Variants in NCOR2 observed in about 807,000 individuals in gnomAD.
NCOR2 encodes CTG repeat protein 26.
In NCOR2, 81 loss-of-function variants were observed where a neutral mutation model predicts 262.9. The ratio of observed to expected loss-of-function variants is 0.31; its 90% CI spans 0.26 to 0.37. The LOEUF (loss-of-function observed/expected upper bound fraction) is 0.37. NCOR2 is among the 10% of genes least tolerant of loss of function. The pLI, the probability that NCOR2 is intolerant of heterozygous loss-of-function variation, is 1.00. For missense variants in NCOR2, 3,385 were observed against 3,621.4 expected (o/e 0.93, Z 1.68); for synonymous variants, 1,659 against 1,559.3 (o/e 1.06, Z -1.51).
chr12:124,425,900 A>G (rs971394097), intron 11 of NCOR2, among the ~76,000 whole-genome samples: 1 of 152,166 alleles, frequency 6.6e-6, no homozygotes, highest in Admixed American at 6.5e-5. Context: ...CTGAGCTGTC[A>G]TAAGGGACAG....
Position 124,381,539 on chromosome 12 carries a change from C to T in NCOR2, c.2020-3155G>A, listed in dbSNP as rs113675061. Among the ~76,000 whole-genome samples the T allele has an allele frequency of 6.6e-5, 10 of 152,354 alleles. No homozygotes were observed. The South Asian group carries it at 1.0e-3, about 16-fold the overall frequency. ...ACCATACCTGGAACAGTGTCTAGCA[C>T]AGAACAGACGCTCTGTAACTATGTC... On this transcript the variant is annotated intron_variant, in intron 17 of 46. Transcript: ENST00000405201.
At chr12:124,385,585 G>T (rs995073053) in intron 17 of NCOR2, among the ~76,000 whole-genome samples, 160 bp downstream of exon 19, 1 of 152,152 alleles carries the variant, frequency 6.6e-6, no homozygotes, top group Non-Finnish European at 1.5e-5. Context: ...CCATCTCGGG[G>T]TACTCCCGGG....
chr12:124,494,040 C>T (rs1045588993), intron 1 of NCOR2, among the ~76,000 whole-genome samples: 1 of 152,222 alleles, frequency 6.6e-6, no homozygotes, highest in African/African-American at 2.4e-5. Context: ...CCACTGAGGA[C>T]AGCTGACTCT....
In NCOR2 at chr12:124,391,002, C is replaced by T. The variant is rs2136146417; in HGVS notation, c.1877-5115G>A. Among the ~76,000 whole-genome samples, 3 of 152,368 alleles carry T rather than the reference C, an allele frequency of 2.0e-5. 1 individual carries two copies. Among genetic ancestry groups the T allele is most frequent in the Admixed American group, 2.0e-4 (3 of 15,312 alleles). The stretch of plus-strand genomic sequence containing the variant: ...GCTGGGCTAATCCTCCTCTGGGCAC[C>T]CATGGGGCAGCGTCCCACATGCCAT... On this transcript the variant is annotated intron_variant, in intron 16 of 46. Transcript: ENST00000405201.
chr12:124,363,208 G>A (rs550770411), intron 21 of NCOR2, among the ~76,000 whole-genome samples: 35 of 152,324 alleles, frequency 2.3e-4, no homozygotes, highest in Non-Finnish European at 3.5e-4. Context: ...CTTTTAGCCC[G>A]GAGCCCCCAG....
In NCOR2 at chr12:124,495,058, T is replaced by C. The variant is rs2048310733; in HGVS notation, c.105+89A>G. 2 of 1,504,908 alleles carry C rather than the reference T, an allele frequency of 1.3e-6. No homozygotes were observed. The highest frequency in any genetic ancestry group is 1.2e-5 in the South Asian group (1 of 81,770). 93.2% of individuals were successfully genotyped at this position (1,504,908 alleles called of 1,614,324 possible). On this transcript the variant is annotated intron_variant, in intron 1 of 46. Coordinates refer to ENST00000405201, the Ensembl canonical transcript of NCOR2. This position sits in a 1 kb window ranked among gnomAD's most constrained non-coding sequence, Gnocchi z 4.4. ...AGGCTCAGAGCCACATGAGCCTGGC[T>C]CCCAGGAGAAAGGAAGGGGTGAAGA...
At chr12:124,438,778 C>CAG (rs56072801) in intron 7 of NCOR2, among the ~76,000 whole-genome samples, 26,708 of 60,058 alleles carry the variant, frequency 0.44, 9,784 homozygotes, top group Non-Finnish European at 0.52. Context: ...CCCAGAGAGA[C>CAG]AGAGAGAGAG....
upstream of NCOR2, among the ~76,000 whole-genome samples, chr12:124,496,894 G>A (rs1385034766): frequency 6.6e-6 from 1 of 152,236 alleles, no homozygotes; most frequent in Non-Finnish European, 1.5e-5. The surrounding 1 kb of genome is among the most constrained non-coding windows in gnomAD (Gnocchi z 4.4). Flanking sequence ...GGAGAAAGGT[G>A]CTCTCTGCTG....
chr12:124,354,449 C>T (rs1303184119), intron 26 of NCOR2, 29 bp downstream of exon 28: 10 of 1,470,440 alleles, frequency 6.8e-6, no homozygotes, highest in Non-Finnish European at 9.0e-6. Flanking sequence ...GGGGCAGATG[C>T]TGGGGGCCCA....
At chr12:124,436,657 G>A (rs930640674) in intron 8 of NCOR2, among the ~76,000 whole-genome samples, 2 of 152,160 alleles carry the variant, frequency 1.3e-5, no homozygotes, top group Admixed American at 1.3e-4. Flanking sequence ...TGGTTCACAG[G>A]ACGCAGGCCC....
chr12:124,495,316 G>T (rs998044154), upstream of NCOR2: 14 of 1,532,662 alleles, frequency 9.1e-6, no homozygotes, highest in African/African-American at 1.8e-4. This position sits in a 1 kb window ranked among gnomAD's most constrained non-coding sequence, Gnocchi z 4.4. Context: ...TCACCACCAA[G>T]GATTAAAAGC....
chr12:124,377,230 G>A (rs1696170843), intron 18 of NCOR2, among the ~76,000 whole-genome samples: 2 of 152,204 alleles, frequency 1.3e-5, no homozygotes, highest in Admixed American at 1.3e-4. Flanking sequence ...CCAGCACCAT[G>A]CACACGATGG....
At chr12:124,444,805 T>C (rs750323518) in intron 7 of NCOR2, among the ~76,000 whole-genome samples, 6 of 151,882 alleles carry the variant, frequency 4.0e-5, no homozygotes, top group African/African-American at 1.2e-4. Context: ...TGCCAAACAA[T>C]GTGATGTGAC....
intron 3 of NCOR2, among the ~76,000 whole-genome samples, chr12:124,474,485 C>T (rs777524432): frequency 1.3e-5 from 2 of 152,186 alleles, no homozygotes; most frequent in African/African-American, 4.8e-5. Context: ...TTCATCCCAC[C>T]AGCTAAAGTC....
chr12:124,556,535 G>A (rs837491), intron 1 of NCOR2: 30,642 of 152,178 alleles, frequency 0.2, 3,213 homozygotes, highest in African/African-American at 0.23. Context: ...AAACAACCGA[G>A]GGAGGGAGGG....
At chr12:124,492,892 TTC>T (rs2048169760) in intron 1 of NCOR2, among the ~76,000 whole-genome samples, 1 of 152,058 alleles carries the variant, frequency 6.6e-6, no homozygotes, top group South Asian at 2.1e-4. Flanking sequence ...ACAAGCAGGA[TTC>T]TCTGGATGGG....
At chr12:124,464,936 A>G (rs2046345188) in intron 5 of NCOR2, among the ~76,000 whole-genome samples, 1 of 152,154 alleles carries the variant, frequency 6.6e-6, no homozygotes, top group South Asian at 2.1e-4. Context: ...TGGGAGAGTG[A>G]GCCGGGCACA....
chr12:124,431,568 CAG>C (rs369956416), intron 8 of NCOR2, among the ~76,000 whole-genome samples: 4,708 of 150,916 alleles, frequency 0.031, 280 homozygotes, highest in African/African-American at 0.11. Flanking sequence ...ACAAGATACA[CAG>C]AGAGACACAC....
At chr12:124,384,814 G>T (rs886118714) in intron 17 of NCOR2, among the ~76,000 whole-genome samples, 1 of 152,038 alleles carries the variant, frequency 6.6e-6, no homozygotes, top group Admixed American at 6.5e-5. Flanking sequence ...TGGGAGTGGC[G>T]GGGGGAGGAG....
Sources: gnomAD v4.1 joint callset for allele counts (sites outside exome capture counted in the v4.1 genomes callset) on GRCh38, gnomAD v4.1.1 for gene constraint, Gnocchi (gnomAD v3.1) non-coding constraint, MANE v1.5 for transcripts, NCBI Gene and HGNC (gene_info 2026-07-23, HGNC 2026-07-21) for gene names.